WWP2: variants seen among roughly 807,000 people sequenced by gnomAD.
WWP2 encodes the protein NEDD4-like E3 ubiquitin-protein ligase WWP2.
WWP2 carries 57 observed loss-of-function variants against 121.0 expected under a neutral mutation model. The ratio of observed to expected loss-of-function variants is 0.47; its 90% CI spans 0.38 to 0.59. The LOEUF (loss-of-function observed/expected upper bound fraction) is 0.59. Ranked by LOEUF, WWP2 falls within the 20% of genes least tolerant of loss-of-function variation. WWP2 has a pLI of 0.00. For synonymous variants in WWP2, 449 were observed against 441.3 expected (o/e 1.02, Z -0.22); for missense variants, 962 against 1,158.9 (o/e 0.83, Z 2.47).
At chr16:69,839,810 A>G (rs1044145128) in intron 4 of WWP2, among the ~76,000 whole-genome samples, 8 of 152,236 alleles carry the variant, frequency 5.3e-5, no homozygotes, top group Non-Finnish European at 7.3e-5. Flanking sequence ...TACGCCATCA[A>G]TATCCCTATG....
At chr16:69,878,120 T>G (rs1162350991) in intron 7 of WWP2, among the ~76,000 whole-genome samples, 1 of 152,104 alleles carries the variant, frequency 6.6e-6, no homozygotes, top group Non-Finnish European at 1.5e-5. Context: ...AATTTGCTAT[T>G]TTATATGGAT....
At chr16:69,815,484 TAA>T (rs34598258) in intron 4 of WWP2, among the ~76,000 whole-genome samples, 42 of 138,788 alleles carry the variant, frequency 3.0e-4, no homozygotes, top group Non-Finnish European at 3.3e-4. Flanking sequence ...CCTGTCTCTT[TAA>T]AAAAAAAAAA....
At chr16:69,871,748 C>T in intron 6 of WWP2, 56 bp from the exon 7 acceptor site, 1 of 1,605,292 alleles carries the variant, frequency 6.2e-7, no homozygotes, top group South Asian at 1.1e-5. Context: ...GTAGGAAACA[C>T]TTCTGTCCTT....
At chr16:69,904,706 T>G (rs949077704) in intron 8 of WWP2, among the ~76,000 whole-genome samples, 4 of 152,158 alleles carry the variant, frequency 2.6e-5, no homozygotes, top group Non-Finnish European at 5.9e-5. Context: ...TTTTGCCAGA[T>G]CCTGCCCTTT....
At chr16:69,894,508 C>G (rs1341403963) in intron 8 of WWP2, among the ~76,000 whole-genome samples, 1 of 152,230 alleles carries the variant, frequency 6.6e-6, no homozygotes, top group Non-Finnish European at 1.5e-5. Flanking sequence ...CACTCCCCAT[C>G]CCTTTTCTCT....
intron 3 of WWP2, 99 bp downstream of exon 3, chr16:69,798,928 C>T (rs554239468): frequency 1.7e-4 from 256 of 1,515,314 alleles, no homozygotes; most frequent in Non-Finnish European, 2.2e-4. Flanking sequence ...GTGGCACCTC[C>T]GACTTTTTCT....
chr16:69,936,005 T>C lies in WWP2; in HGVS notation c.1976+19T>C. The C allele has an allele frequency of 4.3e-6, 7 of 1,612,430 alleles. No individual in the cohort carries two copies. Among genetic ancestry groups the C allele is most frequent in the Non-Finnish European group, 5.9e-6 (7 of 1,179,278 alleles). ...GGATCAAGTGAGTTCCCTGCCCCCT[T>C]GCCCCACCGCGCTGATAGGAGGGAC... On this transcript the variant is annotated intron_variant, in intron 18 of 23. Transcript: ENST00000359154.
At chr16:69,862,624 A>T (rs7196917) in intron 6 of WWP2, among the ~76,000 whole-genome samples, 2 of 151,584 alleles carry the variant, frequency 1.3e-5, no homozygotes, top group African/African-American at 4.9e-5. Flanking sequence ...TCTGGGGTCA[A>T]TGAACCTCCC....
At chr16:69,778,908 T>C (rs2055600014) in intron 1 of WWP2, among the ~76,000 whole-genome samples, 1 of 150,214 alleles carries the variant, frequency 6.7e-6, no homozygotes, top group African/African-American at 2.5e-5. Context: ...CCCAAAGTGC[T>C]GGGATTACAG....
chr16:69,839,647 T>TA (rs1258246895), intron 4 of WWP2, among the ~76,000 whole-genome samples: 1 of 152,238 alleles, frequency 6.6e-6, no homozygotes, highest in East Asian at 1.9e-4. Flanking sequence ...TTGAAAATTT[T>TA]AAAAAACAAC....
chr16:69,871,979 C>A (rs2057648252), intron 7 of WWP2, 48 bp downstream of exon 7: 2 of 1,585,340 alleles, frequency 1.3e-6, no homozygotes, highest in East Asian at 2.3e-5. Context: ...TGTGGGCTCT[C>A]ACCCGTTCTA....
At chr16:69,862,967 T>C (rs985445101) in intron 6 of WWP2, among the ~76,000 whole-genome samples, 4 of 152,008 alleles carry the variant, frequency 2.6e-5, no homozygotes, top group Non-Finnish European at 5.9e-5. Flanking sequence ...GCTCAAGCAG[T>C]CCTCCGCCCT....
intron 1 of WWP2, among the ~76,000 whole-genome samples, chr16:69,769,636 G>A (rs1161924377): frequency 1.3e-5 from 2 of 152,060 alleles, no homozygotes; most frequent in African/African-American, 2.4e-5. Flanking sequence ...TCGAGAAGTG[G>A]TTTTGTTTGT....
At chr16:69,856,485 C>G (rs763622504) in intron 6 of WWP2, among the ~76,000 whole-genome samples, 1 of 152,106 alleles carries the variant, frequency 6.6e-6, no homozygotes, top group South Asian at 2.1e-4. Flanking sequence ...CATTAAAAGA[C>G]CCATTTGGTG....
intron 1 of WWP2, among the ~76,000 whole-genome samples, chr16:69,769,800 T>G (rs2055373951): frequency 6.6e-6 from 1 of 151,932 alleles, no homozygotes; most frequent in Non-Finnish European, 1.5e-5. Flanking sequence ...TTTTGTGAAA[T>G]ATATATTTAG....
intron 1 of WWP2, among the ~76,000 whole-genome samples, chr16:69,771,565 A>G (rs1236804249): frequency 1.3e-5 from 2 of 152,152 alleles, no homozygotes; most frequent in Non-Finnish European, 2.9e-5. Context: ...CTTTGTAGTA[A>G]GTTTTAAAAT....
At chr16:69,808,813 A>G (rs1307158703) in intron 4 of WWP2, among the ~76,000 whole-genome samples, 1 of 152,226 alleles carries the variant, frequency 6.6e-6, no homozygotes, top group African/African-American at 2.4e-5. Context: ...TTTGGCCATC[A>G]TGAACAACGC....
chr16:69,768,820 G>A (rs936811712), intron 1 of WWP2, among the ~76,000 whole-genome samples: 5 of 151,974 alleles, frequency 3.3e-5, no homozygotes, highest in Non-Finnish European at 5.9e-5. Flanking sequence ...CTCTTTTTCC[G>A]TGCTTAGTCT....
intron 6 of WWP2, among the ~76,000 whole-genome samples, 190 bp downstream of exon 6, chr16:69,842,310 T>A (rs1372245435): frequency 2.0e-5 from 3 of 152,138 alleles, no homozygotes; most frequent in Non-Finnish European, 4.4e-5. Context: ...ATTTTTTTTT[T>A]AATTGAATTT....
Sources: gnomAD v4.1 joint callset for allele counts (sites outside exome capture counted in the v4.1 genomes callset) on GRCh38, gnomAD v4.1.1 for gene constraint, MANE v1.5 for transcripts, NCBI Gene and HGNC (gene_info 2026-07-23, HGNC 2026-07-21) for gene names.